The following TMEM181 variants were observed in gnomAD, a reference collection of about 807,000 sequenced individuals.
TMEM181 encodes the protein G protein-coupled receptor 178.
TMEM181 carries 39 observed loss-of-function variants against 71.9 expected under a neutral mutation model. The observed-to-expected ratio is 0.54, with a 90% confidence interval of 0.42 to 0.71. The LOEUF is 0.71. TMEM181 is among the 30% of genes least tolerant of loss of function. TMEM181 has a pLI of 0.00. For missense variants in TMEM181, 595 were observed against 583.0 expected, an observed-to-expected ratio of 1.02 and a Z score of -0.21; for synonymous variants, 245 against 228.8, an observed-to-expected ratio of 1.07 and a Z score of -0.64.
At chr6:158,558,440 C>A (rs1174253406), upstream of TMEM181, among the ~76,000 whole-genome samples, 1 of 152,178 alleles carries the variant, frequency 6.6e-6, no homozygotes, top group African/African-American at 2.4e-5. Flanking sequence ...TAGAATCGGG[C>A]AGCCCTCAGA....
At chr6:158,597,555 C>T (rs1378226533) in intron 6 of TMEM181, among the ~76,000 whole-genome samples, 2 of 151,986 alleles carry the variant, frequency 1.3e-5, no homozygotes, top group East Asian at 3.9e-4. Flanking sequence ...ATCTAGAGTG[C>T]AGTGGCACGA....
chr6:158,562,476 C>G (rs753881), intron 1 of TMEM181, among the ~76,000 whole-genome samples: 37,593 of 126,274 alleles, frequency 0.3, 5,737 homozygotes, highest in East Asian at 0.73. Context: ...GTGTGTGTGT[C>G]TTGCTTGGCA....
At chr6:158,545,383 G>T (rs1781493853) in intron 1 of TMEM181, among the ~76,000 whole-genome samples, 1 of 152,256 alleles carries the variant, frequency 6.6e-6, no homozygotes, top group Non-Finnish European at 1.5e-5. Flanking sequence ...GGAAAGTCGT[G>T]GCAAGTGACG....
intron 6 of TMEM181, among the ~76,000 whole-genome samples, chr6:158,591,520 A>C (rs1003521405): frequency 1.3e-5 from 2 of 151,888 alleles, no homozygotes; most frequent in Non-Finnish European, 2.9e-5. Flanking sequence ...GTCTTCAGAG[A>C]ATCCGATTAG....
intron 10 of TMEM181, chr6:158,611,229 C>T (rs1785286333): frequency 4.0e-6 from 2 of 501,600 alleles, no homozygotes; most frequent in Admixed American, 2.2e-5. Context: ...TCCTTCTCAG[C>T]AGGGGTGACT....
chr6:158,565,608 C>T (rs921324627), intron 1 of TMEM181, among the ~76,000 whole-genome samples: 3 of 152,056 alleles, frequency 2.0e-5, no homozygotes, highest in Admixed American at 6.6e-5. Flanking sequence ...AATAGGAGAA[C>T]ATGGAGGAAA....
rs180872025 is a variant in TMEM181, at chr6:158,571,196, G to A, written c.9-2224G>A. On this transcript the variant is annotated intron_variant, in intron 1 of 16. Transcript: ENST00000684151. ...ACTGCAAGCTCCGCCTCCCGGGTTC[G>A]TGCCATTCTCCCGCCTCAGCCTCCC... Among the ~76,000 whole-genome samples the A allele has an allele frequency of 4.7e-3, 708 of 152,136 alleles. 9 individuals carry two copies. Among genetic ancestry groups the A allele is most frequent in the Non-Finnish European group, 8.1e-3 (548 of 67,974 alleles).
rs1227457455 is a variant in TMEM181 at position 158,620,168 on chromosome 6, T to C, written c.897-3382T>C. 6.6e-6 allele frequency among the ~76,000 whole-genome samples: 1 copy of C among 151,580 alleles called. No homozygotes were observed. Among genetic ancestry groups the C allele is most frequent in the African/African-American group, 2.4e-5 (1 of 41,230 alleles). ...AAGGAGACAGCCCAGAGGGGAGGCG[T>C]GGGAATGTGGGATGGTTTGGCACCA... On this transcript the variant is annotated intron_variant, in intron 10 of 16. Transcript: ENST00000684151. The surrounding 1 kb of genome is among the most constrained non-coding windows in gnomAD (Gnocchi z 4.5).
In TMEM181 at chr6:158,560,160, G is replaced by A; in HGVS notation, c.-65G>A. The A allele has an allele frequency of 1.0e-6, 1 of 984,908 alleles. No homozygotes were observed. The highest frequency in any genetic ancestry group is 1.2e-6 in the Non-Finnish European group (1 of 829,760). 61.0% of individuals were successfully genotyped at this position (984,908 alleles called of 1,614,324 possible). On this transcript the variant is annotated 5_prime_UTR_variant, in exon 1 of 17. Coordinates refer to ENST00000684151, the MANE Select transcript of TMEM181 (RefSeq NM_001376852.1). ...TCCGGCTGCGGCTGCCGCTGCCGAG[G>A]CTGCTGCGCGGCGCCTGGCGGGCTC... is the stretch of plus-strand genomic sequence containing the variant.
chr6:158,552,083 G>C (rs1278956472), intron 1 of TMEM181, among the ~76,000 whole-genome samples: 2 of 152,174 alleles, frequency 1.3e-5, no homozygotes, highest in African/African-American at 4.8e-5. Flanking sequence ...GTAATCGAAA[G>C]ATTTTAAAAG....
At chr6:158,576,686 TG>T (rs1476909149) in intron 2 of TMEM181, among the ~76,000 whole-genome samples, 12 of 152,186 alleles carry the variant, frequency 7.9e-5, no homozygotes, top group Admixed American at 6.5e-4. Context: ...AATTCAAAAA[TG>T]AATAACAGCA....
chr6:158,551,022 G>A (rs1257441579), intron 1 of TMEM181, among the ~76,000 whole-genome samples: 1 of 147,762 alleles, frequency 6.8e-6, no homozygotes, highest in Non-Finnish European at 1.5e-5. Context: ...GTGCAGTGGT[G>A]CAATCTCGGC....
chr6:158,575,862 A>G (rs1447051823), intron 2 of TMEM181, among the ~76,000 whole-genome samples: 1 of 152,184 alleles, frequency 6.6e-6, no homozygotes, highest in East Asian at 1.9e-4. Flanking sequence ...CCTTCTGGGC[A>G]TGGTCACTGA....
At chr6:158,553,054 G>A (rs1344946183) in intron 1 of TMEM181, among the ~76,000 whole-genome samples, 1 of 152,074 alleles carries the variant, frequency 6.6e-6, no homozygotes, top group Non-Finnish European at 1.5e-5. Context: ...CGGGTGTGGT[G>A]GTGTGTGCCT....
Position 158,604,327 on chromosome 6 carries a change from C to T in TMEM181, c.493-940C>T, listed in dbSNP as rs543890424. On this transcript the variant is annotated intron_variant, in intron 6 of 16. Transcript: ENST00000684151. ...GTGTCTTAAATCATCCTTGTGCATG[C>T]GTGCATGCGTGTGTGTGTGTGTGTG... Among the ~76,000 whole-genome samples, 37 of 126,208 alleles carry T rather than the reference C, an allele frequency of 2.9e-4. 1 individual carries two copies. The highest frequency in any genetic ancestry group is 2.1e-3 in the Admixed American group (25 of 11,788). 82.8% of individuals were successfully genotyped at this position (126,208 alleles called of 152,430 possible).
At chr6:158,565,960 CAGG>C (rs1024029888) in intron 1 of TMEM181, among the ~76,000 whole-genome samples, 6 of 152,226 alleles carry the variant, frequency 3.9e-5, no homozygotes, top group African/African-American at 9.6e-5. Context: ...CACCTCGAGA[CAGG>C]AGGTTTTCTA....
chr6:158,631,238 C>A (rs1403498095), intron 15 of TMEM181, 85 bp from the exon 16 acceptor site: 2 of 1,410,504 alleles, frequency 1.4e-6, no homozygotes, highest in Middle Eastern at 3.5e-4. Flanking sequence ...TTTCCAACTC[C>A]CTTCCTTTGT....
intron 1 of TMEM181, among the ~76,000 whole-genome samples, chr6:158,560,508 G>A (rs1782097753): frequency 6.6e-6 from 1 of 152,190 alleles, no homozygotes; most frequent in African/African-American, 2.4e-5. Context: ...GGGGCTGCGA[G>A]CCACAGCGCT....
Position 158,580,874 on chromosome 6 carries a change from T to C in TMEM181, c.113-66T>C, listed in dbSNP as rs141647221. 2.5e-4 allele frequency: 370 copies of C among 1,480,322 alleles called. No homozygotes were observed. The African/African-American group carries it at 3.6e-3, about 15-fold the overall frequency. 91.7% of individuals were successfully genotyped at this position (1,480,322 alleles called of 1,614,324 possible). ...TAATGTGTGAGTCTTTCTTGGAATTTGGAAAAAAATACTAAATTATCAATA... is the reference window on the plus strand; with the variant it reads ...TAATGTGTGAGTCTTTCTTGGAATTCGGAAAAAAATACTAAATTATCAATA... On this transcript the variant is annotated intron_variant, in intron 2 of 16. Coordinates refer to ENST00000684151, the MANE Select transcript of TMEM181 (RefSeq NM_001376852.1).
Sources: gnomAD v4.1 joint callset for allele counts (sites outside exome capture counted in the v4.1 genomes callset) on GRCh38, gnomAD v4.1.1 for gene constraint, Gnocchi (gnomAD v3.1) non-coding constraint, MANE v1.5 for transcripts, NCBI Gene and HGNC (gene_info 2026-07-23, HGNC 2026-07-21) for gene names.